Variants in EPHA5 observed in about 807,000 individuals in gnomAD.
EPHA5 encodes the protein ephrin type-A receptor 5.
EPHA5 carries 60 observed loss-of-function variants against 105.0 expected under a neutral mutation model. That is an observed-to-expected ratio of 0.57 (90% CI 0.46 to 0.71). The LOEUF (loss-of-function observed/expected upper bound fraction) is 0.71, where lower values mean the gene tolerates loss of function less well. Among genes scored for constraint, EPHA5 ranks in the 30% least tolerant of loss-of-function variants. EPHA5 has a pLI of 0.00. For synonymous variants in EPHA5, 513 were observed against 449.1 expected (o/e 1.14, Z -1.80); for missense variants, 1,218 against 1,274.7 (o/e 0.96, Z 0.68).
intron 5 of EPHA5, among the ~76,000 whole-genome samples, chr4:65,426,056 T>C (rs776514723): frequency 1.3e-5 from 2 of 152,160 alleles, no homozygotes; most frequent in Non-Finnish European, 2.9e-5. Context: ...TACACCTTCC[T>C]GGCCTTCAGG....
intron 5 of EPHA5, among the ~76,000 whole-genome samples, chr4:65,446,988 T>A (rs1432782850): frequency 1.3e-5 from 2 of 149,910 alleles, no homozygotes; most frequent in Non-Finnish European, 3.0e-5. Context: ...TTTTTTTTTT[T>A]TTTTTTTTTG....
chr4:65,616,864 C>A (rs935489736), intron 2 of EPHA5, among the ~76,000 whole-genome samples: 3 of 151,952 alleles, frequency 2.0e-5, no homozygotes, highest in Non-Finnish European at 4.4e-5. Flanking sequence ...AACAAATGTT[C>A]TTTAGGGAAA....
intron 1 of EPHA5, among the ~76,000 whole-genome samples, chr4:65,660,460 TG>T (rs1749463785): frequency 6.6e-6 from 1 of 152,150 alleles, no homozygotes; most frequent in African/African-American, 2.4e-5. Context: ...GATGACGATC[TG>T]TGAGTGTGAA....
At chr4:65,652,459 A>G (rs1397535247) in intron 1 of EPHA5, among the ~76,000 whole-genome samples, 1 of 152,108 alleles carries the variant, frequency 6.6e-6, no homozygotes, top group African/African-American at 2.4e-5. Flanking sequence ...TATTTTGCCC[A>G]TTTTACAGAT....
chr4:65,365,540 T>C (rs1006588607), intron 10 of EPHA5, among the ~76,000 whole-genome samples: 2 of 149,178 alleles, frequency 1.3e-5, no homozygotes, highest in Non-Finnish European at 3.0e-5. Flanking sequence ...TCTACCGTAG[T>C]AGTAATAAGA....
At chr4:65,545,007 C>T (rs1338316770) in intron 3 of EPHA5, among the ~76,000 whole-genome samples, 1 of 150,732 alleles carries the variant, frequency 6.6e-6, no homozygotes, top group Non-Finnish European at 1.5e-5. Flanking sequence ...CTTCTCTAAA[C>T]TATGTTTCAA....
At chr4:65,570,571 C>T (rs1740025511) in intron 3 of EPHA5, among the ~76,000 whole-genome samples, 1 of 151,496 alleles carries the variant, frequency 6.6e-6, no homozygotes, top group South Asian at 2.1e-4. Flanking sequence ...CCCTAATCAG[C>T]CATCAAAGTT....
rs1288176462 is a variant in EPHA5 at position 65,367,405 on chromosome 4, C to T, written c.1813G>A (p.Ala605Thr). The T allele has an allele frequency of 5.0e-6, 8 of 1,612,070 alleles. No individual in the cohort carries two copies. Among genetic ancestry groups the T allele is most frequent in the Non-Finnish European group, 5.9e-6 (7 of 1,179,204 alleles). ...TTTTCCTCTTCTGGATCTTGTTTTG[C>T]TTTGCTGTAGCCACACCGCCTGGAA... ...LSGRRCGYSK[A>T]KQDPEEEKMH... is the part of the protein sequence containing the mutation. The change falls in exon 9 of 17, where the codon GCA becomes ACA. Residue 605 changes from alanine to threonine, a missense_variant. Ala to Thr is a moderately conservative substitution (Grantham distance 58, BLOSUM62 0). Around this residue, in one of 3 missense-constraint regions of EPHA5, gnomAD observed 971 missense variants for 1,013.5 expected, o/e 0.96. Coordinates refer to ENST00000613740, the MANE Select transcript of EPHA5 (RefSeq NM_001281766.3).
chr4:65,386,924 T>A (rs1282465518), intron 8 of EPHA5, among the ~76,000 whole-genome samples: 1 of 151,818 alleles, frequency 6.6e-6, no homozygotes, highest in Non-Finnish European at 1.5e-5. Context: ...GCAATTGACT[T>A]AACTCTGCCA....
intron 1 of EPHA5, among the ~76,000 whole-genome samples, chr4:65,650,526 C>T (rs543533665): frequency 7.1e-6 from 1 of 140,362 alleles, no homozygotes; most frequent in Non-Finnish European, 1.5e-5. Flanking sequence ...CGCCACTGCA[C>T]TTCAGCCTGG....
intron 8 of EPHA5, among the ~76,000 whole-genome samples, chr4:65,380,720 C>T (rs1451173): frequency 0.7 from 106,666 of 151,608 alleles, 37,777 homozygotes; most frequent in East Asian, 0.81. Context: ...TTTCCTATTT[C>T]AAATTAAATT....
chr4:65,531,006 ATTTTTTTTATTTTT>A (rs1474321254), intron 3 of EPHA5, among the ~76,000 whole-genome samples: 4 of 146,974 alleles, frequency 2.7e-5, no homozygotes, highest in African/African-American at 7.7e-5. Context: ...ATTTTTTTTT[ATTTTTTTTATTTTT>A]TTTATTTTTT....
rs200897452 is a variant in EPHA5, at chr4:65,477,171, C to T, written c.1402+13206G>A. ...GTTACCTTAGAAAGCCATGTTCAAA[C>T]TGGAGAGCAGAGAAAGCTTTTCTCA... On this transcript the variant is annotated intron_variant, in intron 5 of 16. Transcript: ENST00000613740. Among the ~76,000 whole-genome samples, 4 of 152,238 alleles carry T rather than the reference C, an allele frequency of 2.6e-5. No individual in the cohort carries two copies. The East Asian group carries it at 7.7e-4, about 29-fold the overall frequency.
chr4:65,620,295 G>T (rs1434703069), intron 2 of EPHA5, among the ~76,000 whole-genome samples: 2 of 151,952 alleles, frequency 1.3e-5, no homozygotes, highest in African/African-American at 4.8e-5. Context: ...AAGTTTTGGA[G>T]CTATGATCTG....
chr4:65,353,708 A>G (rs1057244715), intron 11 of EPHA5, among the ~76,000 whole-genome samples: 2 of 151,784 alleles, frequency 1.3e-5, no homozygotes, highest in African/African-American at 4.8e-5. Context: ...TAAAAACTCC[A>G]TCCTATCTAA....
intron 5 of EPHA5, among the ~76,000 whole-genome samples, chr4:65,435,016 G>GC (rs1452515512): frequency 6.6e-6 from 1 of 151,970 alleles, no homozygotes; most frequent in Non-Finnish European, 1.5e-5. Flanking sequence ...TTTCCCCATT[G>GC]CCCTCTCTAT....
chr4:65,558,456 A>G (rs1738679469), intron 3 of EPHA5, among the ~76,000 whole-genome samples: 1 of 152,036 alleles, frequency 6.6e-6, no homozygotes, highest in South Asian at 2.1e-4. Context: ...TTCATTTGAG[A>G]TATGTGTATC....
chr4:65,324,444 C>T (rs1399240295), intron 16 of EPHA5, among the ~76,000 whole-genome samples: 1 of 151,394 alleles, frequency 6.6e-6, no homozygotes, highest in African/African-American at 2.4e-5. Flanking sequence ...TACATATTTG[C>T]TCTCATTTGT....
At chr4:65,345,912 A>T (rs1388697029) in intron 14 of EPHA5, among the ~76,000 whole-genome samples, 1 of 151,934 alleles carries the variant, frequency 6.6e-6, no homozygotes, top group Non-Finnish European at 1.5e-5. Flanking sequence ...AGCTGGGACT[A>T]CAGGCGCCCG....
Sources: allele counts gnomAD v4.1 joint callset (sites outside exome capture counted in the v4.1 genomes callset), GRCh38; gene constraint gnomAD v4.1.1; regional missense constraint gnomAD v4.1.1; transcripts MANE v1.5; gene names NCBI Gene and HGNC (gene_info 2026-07-23, HGNC 2026-07-21).